DAB1: variants seen among roughly 807,000 people sequenced by gnomAD.
DAB1 encodes the protein DAB adaptor protein 1.
DAB1 carries 15 observed loss-of-function variants against 64.6 expected under a neutral mutation model. That is an observed-to-expected ratio of 0.23 (90% CI 0.16 to 0.36). The LOEUF (loss-of-function observed/expected upper bound fraction) is 0.36. Ranked by LOEUF, DAB1 falls within the 10% of genes least tolerant of loss-of-function variation. The pLI, the probability that DAB1 is intolerant of heterozygous loss-of-function variation, is 1.00. For synonymous variants in DAB1, 235 were observed against 251.9 expected (o/e 0.93, Z 0.64); for missense variants, 596 against 706.7 (o/e 0.84, Z 1.78).
intron 5 of DAB1, among the ~76,000 whole-genome samples, chr1:58,037,989 G>C (rs1446693116): frequency 6.6e-6 from 1 of 152,166 alleles, no homozygotes; most frequent in Non-Finnish European, 1.5e-5. Flanking sequence ...CATAACCATT[G>C]TGTATGAGCC....
At chr1:57,309,485 C>T (rs901123809) in intron 1 of DAB1, among the ~76,000 whole-genome samples, 16 of 152,118 alleles carry the variant, frequency 1.1e-4, no homozygotes, top group African/African-American at 3.9e-4. Context: ...GACTTCTGCC[C>T]ACACTTTAGA....
At position 58,047,579 on chromosome 1, in the gene DAB1, AT is replaced by A. The variant is rs533124085; in HGVS notation, n.387+102931del. Among the ~76,000 whole-genome samples the A allele has an allele frequency of 4.8e-3, 736 of 152,172 alleles. 4 individuals carry two copies. Among genetic ancestry groups the A allele is most frequent in the African/African-American group, 0.016 (684 of 41,506 alleles). The stretch of plus-strand genomic sequence containing the variant: ...ATTGAAAGCATAGATACTAATTTTG[AT>A]TTTTTTTAACCCATTCGCTTGTTTA... On this transcript the variant is annotated intron_variant and non_coding_transcript_variant, in intron 5 of 20. Transcript: ENST00000485760.
chr1:57,505,843 G>T (rs994865444), intron 7 of DAB1, among the ~76,000 whole-genome samples: 1 of 151,858 alleles, frequency 6.6e-6, no homozygotes, highest in Admixed American at 6.6e-5. Flanking sequence ...ACAAATTTTT[G>T]TATTTTTTGT....
chr1:57,864,260 G>T (rs1298303215), intron 1 of DAB1, among the ~76,000 whole-genome samples: 1 of 152,098 alleles, frequency 6.6e-6, no homozygotes, highest in Non-Finnish European at 1.5e-5. Context: ...TGGGGGTAAT[G>T]GTAGGAGTCT....
rs114827145 is a variant in DAB1, at chr1:58,453,581, C to T, written n.257+52479G>A. On this transcript the variant is annotated intron_variant and non_coding_transcript_variant, in intron 3 of 20. Transcript: ENST00000485760. ...GGCCCAGGTGGCCCGTGACCCGAGG[C>T]GTGCTGCAAAGGCTTTGTGAAATAA... Among the ~76,000 whole-genome samples the T allele has an allele frequency of 3.1e-3, 477 of 152,262 alleles. 1 individual carries two copies. The highest frequency in any genetic ancestry group is 0.01 in the African/African-American group (433 of 41,552).
At chr1:58,546,353 G>C (rs1393859101) in intron 1 of DAB1, among the ~76,000 whole-genome samples, 1 of 152,210 alleles carries the variant, frequency 6.6e-6, no homozygotes, top group African/African-American at 2.4e-5. Flanking sequence ...CGGAGCCGCG[G>C]ATAAGGGCGG....
In DAB1 at chr1:57,695,277, G is replaced by GGAGAGAGAAAGA. The variant is rs1458324973; in HGVS notation, n.552-45613_552-45612insTCTTTCTCTCTC. On this transcript the variant is annotated intron_variant and non_coding_transcript_variant, in intron 6 of 20. Coordinates refer to the DAB1 transcript ENST00000485760. ...AGAAAGAAGGAAGGAAGGAAGGAAG[G>GGAGAGAGAAAGA]AAGGAAGAAAGGGAGAGAGAAGGAA... 1.2e-4 allele frequency among the ~76,000 whole-genome samples: 9 copies of GGAGAGAGAAAGA among 74,740 alleles called. 1 individual carries two copies. Among genetic ancestry groups the GGAGAGAGAAAGA allele is most frequent in the African/African-American group, 3.2e-4 (6 of 18,546 alleles). The allele number at this position is 74,740 out of a possible 152,430, so 49.0% of individuals were successfully genotyped here.
At chr1:57,966,610 A>G (rs1165878009) in intron 5 of DAB1, among the ~76,000 whole-genome samples, 1 of 152,182 alleles carries the variant, frequency 6.6e-6, no homozygotes, top group African/African-American at 2.4e-5. Context: ...ACACATTGTT[A>G]TTTTAGTTAT....
intron 1 of DAB1, among the ~76,000 whole-genome samples, chr1:57,403,260 T>C (rs1683387124): frequency 6.6e-6 from 1 of 152,190 alleles, no homozygotes; most frequent in African/African-American, 2.4e-5. Flanking sequence ...GAAAAAGCCC[T>C]ATCTCCTGCT....
rs1306039245 is a variant in DAB1 at position 58,096,774 on chromosome 1, C to A, written n.387+53737G>T. 2.0e-5 allele frequency among the ~76,000 whole-genome samples: 3 copies of A among 152,226 alleles called. No homozygotes were observed. The East Asian group carries it at 5.8e-4, about 29-fold the overall frequency. ...TATCTCTGCTACTTTCTCTTCAGGG[C>A]TGCCATGGACCATACATGGAGGGCT... On this transcript the variant is annotated intron_variant and non_coding_transcript_variant, in intron 5 of 20. Transcript: ENST00000485760.
chr1:57,538,144 G>C (rs888100734), intron 7 of DAB1, among the ~76,000 whole-genome samples: 1 of 152,194 alleles, frequency 6.6e-6, no homozygotes, highest in African/African-American at 2.4e-5. Flanking sequence ...ACCATAGCAA[G>C]TGACCTAAGG....
chr1:57,210,348 T>C (rs1665905969), intron 2 of DAB1, among the ~76,000 whole-genome samples: 1 of 152,190 alleles, frequency 6.6e-6, no homozygotes, highest in African/African-American at 2.4e-5. Flanking sequence ...TTTTCTGTCA[T>C]ATAATTCTTA....
intron 6 of DAB1, among the ~76,000 whole-genome samples, chr1:57,773,344 TACACACACACAC>T (rs60059518): frequency 4.7e-5 from 7 of 147,568 alleles, no homozygotes; most frequent in Non-Finnish European, 9.0e-5. Context: ...TTGAGTTGTA[TACACACACACAC>T]ACACACACAC....
chr1:58,056,721 G>C (rs1291873850), intron 5 of DAB1, among the ~76,000 whole-genome samples: 2 of 152,094 alleles, frequency 1.3e-5, no homozygotes, highest in African/African-American at 4.8e-5. Context: ...GTTCTCTTTT[G>C]TCCTCCGGTT....
intron 1 of DAB1, among the ~76,000 whole-genome samples, chr1:57,299,615 A>C (rs775181885): frequency 4.8e-5 from 7 of 144,584 alleles, no homozygotes; most frequent in Non-Finnish European, 8.8e-5. Flanking sequence ...TGAGAAAAAA[A>C]CAAGTGCATA....
At chr1:57,408,590 A>G (rs1226374518) in intron 1 of DAB1, among the ~76,000 whole-genome samples, 1 of 152,146 alleles carries the variant, frequency 6.6e-6, no homozygotes, top group Non-Finnish European at 1.5e-5. Context: ...TGGGCACCCA[A>G]CACTCACACA....
At chr1:57,326,224 C>T (rs1023025756) in intron 1 of DAB1, among the ~76,000 whole-genome samples, 2 of 152,192 alleles carry the variant, frequency 1.3e-5, no homozygotes, top group Admixed American at 1.3e-4. Context: ...TTGTTCGCAT[C>T]CCTCAAATCA....
chr1:58,228,441 C>T (rs1213901930), intron 4 of DAB1, among the ~76,000 whole-genome samples: 1 of 152,116 alleles, frequency 6.6e-6, no homozygotes, highest in African/African-American at 2.4e-5. Context: ...AACCTTCCCT[C>T]CCTGGGCAAT....
intron 3 of DAB1, among the ~76,000 whole-genome samples, chr1:58,364,941 C>G (rs1644203292): frequency 6.6e-6 from 1 of 152,218 alleles, no homozygotes; most frequent in African/African-American, 2.4e-5. Flanking sequence ...TCCTTTCTTA[C>G]TCTGGTTGCT....
Sources: allele counts gnomAD v4.1 joint callset (sites outside exome capture counted in the v4.1 genomes callset), GRCh38; gene constraint gnomAD v4.1.1; transcripts MANE v1.5; gene names NCBI Gene and HGNC (gene_info 2026-07-23, HGNC 2026-07-21).